SLC4A4: variants seen among roughly 807,000 people sequenced by gnomAD.
The protein encoded by SLC4A4 is solute carrier family 4 member 4, also known as electrogenic sodium bicarbonate cotransporter 1.
In SLC4A4, 27 loss-of-function variants were observed where a neutral mutation model predicts 111.5. That is an observed-to-expected ratio of 0.24 (90% CI 0.18 to 0.33). The LOEUF is 0.33. Ranked by LOEUF, SLC4A4 falls within the 10% of genes least tolerant of loss-of-function variation. The pLI is 1.00. For missense variants in SLC4A4, 909 were observed against 1,315.5 expected, an observed-to-expected ratio of 0.69 and a Z score of 4.78; for synonymous variants, 443 against 463.4, an observed-to-expected ratio of 0.96 and a Z score of 0.57.
intron 1 of SLC4A4, among the ~76,000 whole-genome samples, chr4:71,225,760 A>G (rs1024787790): frequency 1.3e-5 from 2 of 152,186 alleles, no homozygotes; most frequent in Admixed American, 6.5e-5. Flanking sequence ...TCCTGGAACA[A>G]ACTCCTGCTC....
At chr4:71,274,639 G>A (rs1284124190) in intron 3 of SLC4A4, among the ~76,000 whole-genome samples, 1 of 152,182 alleles carries the variant, frequency 6.6e-6, no homozygotes, top group Non-Finnish European at 1.5e-5. Context: ...TCCTGAGAGA[G>A]ATGAGGGTGA....
chr4:71,385,566 G>T (rs929054170), intron 6 of SLC4A4, among the ~76,000 whole-genome samples: 3 of 151,952 alleles, frequency 2.0e-5, no homozygotes, highest in South Asian at 4.1e-4. Flanking sequence ...TCTAATGTTA[G>T]AAATACATGA....
chr4:71,457,929 A>G lies in SLC4A4; in HGVS notation c.1497+4260A>G, dbSNP rs1429712663. Among the ~76,000 whole-genome samples, 11 of 152,180 alleles carry G rather than the reference A, an allele frequency of 7.2e-5. No individual in the cohort carries two copies. In the East Asian group the frequency reaches 1.5e-3, roughly 21 times the overall value. ...TATCTCTAGGTTACTTATAATGCCT[A>G]ATACAATGCAAATACTATGAAATAC... On this transcript the variant is annotated intron_variant, in intron 12 of 25. Transcript: ENST00000264485.
At chr4:71,369,795 AT>A (rs2148931180) in intron 6 of SLC4A4, among the ~76,000 whole-genome samples, 1 of 152,276 alleles carries the variant, frequency 6.6e-6, no homozygotes, top group Admixed American at 6.5e-5. Flanking sequence ...ATGTGATATA[AT>A]TTTTTTAAAG....
At chr4:71,567,120 G>C (rs1331104904) in intron 25 of SLC4A4, 37 bp downstream of exon 25, 5 of 1,494,302 alleles carry the variant, frequency 3.3e-6, no homozygotes, top group Middle Eastern at 3.4e-4. Flanking sequence ...TTTTCTGTGG[G>C]ATAATTGCCC....
intron 23 of SLC4A4, among the ~76,000 whole-genome samples, 160 bp downstream of exon 23, chr4:71,560,414 C>A (rs1379164650): frequency 2.8e-5 from 1 of 36,302 alleles, no homozygotes; most frequent in African/African-American, 4.8e-5. Flanking sequence ...CCTTTATATT[C>A]TCTGGTTTTT....
chr4:71,187,424 T>G (rs1209794312), intron 1 of SLC4A4, 23 bp downstream of exon 1: 2 of 151,934 alleles, frequency 1.3e-5, no homozygotes, highest in Admixed American at 6.6e-5. Flanking sequence ...CCCCGGCAGC[T>G]GCCGGGAGGG....
At chr4:71,239,579 A>G (rs929576037) in intron 2 of SLC4A4, among the ~76,000 whole-genome samples, 2 of 152,234 alleles carry the variant, frequency 1.3e-5, no homozygotes, top group African/African-American at 4.8e-5. Context: ...AAAACTTAAT[A>G]GAAAACCATC....
chr4:71,112,163 G>T (rs2148952166), intron 2 of SLC4A4, among the ~76,000 whole-genome samples: 1 of 152,284 alleles, frequency 6.6e-6, no homozygotes, highest in East Asian at 1.9e-4. Context: ...CCAGATTTCT[G>T]CAATGTCTTC....
At chr4:71,510,857 A>G (rs1173787123) in intron 16 of SLC4A4, among the ~76,000 whole-genome samples, 1 of 151,774 alleles carries the variant, frequency 6.6e-6, no homozygotes, top group African/African-American at 2.4e-5. Context: ...TTGATTTCTT[A>G]CTTTTTATCT....
chr4:71,555,957 A>C (rs1736437875), intron 21 of SLC4A4, among the ~76,000 whole-genome samples: 1 of 151,966 alleles, frequency 6.6e-6, no homozygotes, highest in South Asian at 2.1e-4. Context: ...GGAAACTGGA[A>C]GTACTTATGC....
intron 3 of SLC4A4, among the ~76,000 whole-genome samples, chr4:71,327,557 A>G (rs1488814116): frequency 5.3e-5 from 8 of 152,076 alleles, no homozygotes; most frequent in Non-Finnish European, 1.2e-4. Context: ...TGTAAAATTA[A>G]TGATATAACA....
intron 17 of SLC4A4, 103 bp downstream of exon 17, chr4:71,532,278 T>A (rs754290904): frequency 2.4e-5 from 19 of 788,484 alleles, no homozygotes; most frequent in Non-Finnish European, 4.3e-5. Flanking sequence ...TGTACAATTA[T>A]CCATATTTTT....
intron 3 of SLC4A4, among the ~76,000 whole-genome samples, chr4:71,274,434 A>G (rs547057772): frequency 6.6e-6 from 1 of 152,352 alleles, no homozygotes; most frequent in African/African-American, 2.4e-5. Flanking sequence ...TAAAAATGGT[A>G]TAAACTAGGT....
intron 7 of SLC4A4, among the ~76,000 whole-genome samples, chr4:71,430,708 T>C (rs1202312367): frequency 1.3e-5 from 2 of 152,190 alleles, no homozygotes; most frequent in African/African-American, 2.4e-5. Flanking sequence ...TTTTCCTCTT[T>C]TGATTCTGCT....
chr4:71,483,644 G>A (rs897913826), intron 14 of SLC4A4, among the ~76,000 whole-genome samples: 1 of 151,898 alleles, frequency 6.6e-6, no homozygotes, highest in African/African-American at 2.4e-5. Context: ...AGGTGTACAT[G>A]TGTCTTTGAA....
At chr4:71,498,099 T>C (rs1349626346) in intron 16 of SLC4A4, among the ~76,000 whole-genome samples, 2 of 152,172 alleles carry the variant, frequency 1.3e-5, no homozygotes, top group African/African-American at 4.8e-5. Context: ...TTTGAGTATT[T>C]TAGTACTTGA....
intron 2 of SLC4A4, among the ~76,000 whole-genome samples, chr4:71,154,589 A>T (rs1264506088): frequency 6.6e-6 from 1 of 152,208 alleles, no homozygotes; most frequent in African/African-American, 2.4e-5. Context: ...GATTGATAGA[A>T]TTGGGTAATT....
At chr4:71,435,156 C>T (rs1349860793) in intron 7 of SLC4A4, among the ~76,000 whole-genome samples, 1 of 152,166 alleles carries the variant, frequency 6.6e-6, no homozygotes, top group East Asian at 1.9e-4. Flanking sequence ...TGACTTCAAA[C>T]TATACTACAA....
Sources: allele counts gnomAD v4.1 joint callset (sites outside exome capture counted in the v4.1 genomes callset), GRCh38; gene constraint gnomAD v4.1.1; transcripts MANE v1.5; gene names NCBI Gene and HGNC (gene_info 2026-07-23, HGNC 2026-07-21).